The following ITGB3 variants were observed in gnomAD, a reference collection of about 807,000 sequenced individuals.
ITGB3 encodes integrin subunit beta 3.
In ITGB3, 48 loss-of-function variants were observed where a neutral mutation model predicts 85.8. The ratio of observed to expected loss-of-function variants is 0.56; its 90% CI spans 0.44 to 0.71. ITGB3 has a LOEUF of 0.71. Among genes scored for constraint, ITGB3 ranks in the 30% least tolerant of loss-of-function variants. ITGB3 has a pLI of 0.00. For missense variants in ITGB3, 861 were observed against 1,019.1 expected (o/e 0.84, Z 2.11); for synonymous variants, 363 against 395.6 (o/e 0.92, Z 0.98).
At chr17:47,265,449 G>A (rs1367810099) in intron 1 of ITGB3, among the ~76,000 whole-genome samples, 1 of 152,158 alleles carries the variant, frequency 6.6e-6, no homozygotes, top group Non-Finnish European at 1.5e-5. Flanking sequence ...ATCTTCTGGT[G>A]TTGGCTGGCA....
Position 47,253,904 on chromosome 17 carries a change from C to T in ITGB3, c.43C>T (p.Leu15=), listed in dbSNP as rs924366145. ...GCCCCGGCCGCTCTGGGCGACTGTG[C>T]TGGCGCTGGGGGCGCTGGCGGGCGT... ...PRPRPLWATV[L]ALGALAGVGV... is the part of the protein sequence containing the mutation. Residue 15 remains leucine, a synonymous_variant, in exon 1 of 15, where the codon CTG becomes TTG. Coordinates refer to ENST00000559488, the MANE Select transcript of ITGB3 (RefSeq NM_000212.3). 2.1e-5 allele frequency: 29 copies of T among 1,396,582 alleles called. No homozygotes were observed. The East Asian group carries it at 8.9e-4, about 43-fold the overall frequency. 86.5% of individuals were successfully genotyped at this position (1,396,582 alleles called of 1,614,324 possible).
At chr17:47,273,360 A>C (rs1567761574) in intron 1 of ITGB3, among the ~76,000 whole-genome samples, 1 of 152,200 alleles carries the variant, frequency 6.6e-6, no homozygotes, top group Non-Finnish European at 1.5e-5. Flanking sequence ...GATCCCTCAC[A>C]TTCTGCTCCT....
intron 13 of ITGB3, among the ~76,000 whole-genome samples, chr17:47,306,094 C>A (rs1279904213): frequency 6.6e-6 from 1 of 152,172 alleles, no homozygotes; most frequent in Non-Finnish European, 1.5e-5. Flanking sequence ...CTGGCTGTAA[C>A]ATCCACAGGA....
At position 47,310,448 on chromosome 17, in the gene ITGB3, G is replaced by A; in HGVS notation, c.*244G>A. ...AAATTGTGATGTGTCCTGATAAGCT[G>A]AGCTCCTTAGCCTTTGTCCCAGAAT... On this transcript the variant is annotated 3_prime_UTR_variant, in exon 15 of 15. Coordinates refer to ENST00000559488, the MANE Select transcript of ITGB3 (RefSeq NM_000212.3). The A allele has an allele frequency of 1.7e-6, 1 of 591,062 alleles. No homozygotes were observed. Among genetic ancestry groups the A allele is most frequent in the East Asian group, 3.1e-5 (1 of 32,390 alleles). 36.6% of individuals were successfully genotyped at this position (591,062 alleles called of 1,614,324 possible).
Position 47,256,480 on chromosome 17 carries a change from C to CA in ITGB3, c.79+2540_79+2541insA, listed in dbSNP as rs1229449910. ...TCAGACTTCCAGAGTAATACCCCCCCCCCCAACCTCACAAATCAGTTTCTA... is the reference window on the plus strand; with the variant it reads ...TCAGACTTCCAGAGTAATACCCCCCCACCCCAACCTCACAAATCAGTTTCTA... On this transcript the variant is annotated intron_variant, in intron 1 of 14. Coordinates refer to ENST00000559488, the MANE Select transcript of ITGB3 (RefSeq NM_000212.3). Among the ~76,000 whole-genome samples the CA allele has an allele frequency of 4.0e-5, 6 of 151,764 alleles. No homozygotes were observed. In the East Asian group the frequency reaches 9.7e-4, roughly 24 times the overall value.
intron 1 of ITGB3, among the ~76,000 whole-genome samples, 154 bp from the exon 2 acceptor site, chr17:47,274,265 C>T (rs2065055108): frequency 6.6e-6 from 1 of 152,164 alleles, no homozygotes; most frequent in Non-Finnish European, 1.5e-5. Context: ...AACCAATAAC[C>T]TGTATTTGGT....
chr17:47,262,250 G>A (rs1678816017), intron 1 of ITGB3, among the ~76,000 whole-genome samples: 1 of 152,220 alleles, frequency 6.6e-6, no homozygotes, highest in Non-Finnish European at 1.5e-5. Context: ...TAACACATGA[G>A]CTGGGGGAGG....
chr17:47,299,590 A>G lies in ITGB3; in HGVS notation c.1913+60A>G. ...GGAGGTAGGAGAGGATCCCCTGACT[A>G]GAATCCCCAGCTCTCCAGGTGTGTT... On this transcript the variant is annotated intron_variant, in intron 11 of 14. Coordinates refer to ENST00000559488, the MANE Select transcript of ITGB3 (RefSeq NM_000212.3). The surrounding 1 kb of genome is among the most constrained non-coding windows in gnomAD (Gnocchi z 5.1). The G allele has an allele frequency of 2.8e-6, 4 of 1,452,958 alleles. 1 individual carries two copies. The South Asian group carries it at 4.7e-5, about 17-fold the overall frequency. 90.0% of individuals were successfully genotyped at this position (1,452,958 alleles called of 1,614,324 possible).
intron 2 of ITGB3, chr17:47,279,749 G>C (rs1424440983): frequency 2.0e-5 from 3 of 152,274 alleles, no homozygotes; most frequent in Non-Finnish European, 4.4e-5. Flanking sequence ...GGTCCCTGCT[G>C]TCTTCTTCAG....
rs573698401 is a variant in ITGB3, at chr17:47,294,353, G to C, written c.1690+1785G>C. ...CAGGAGAGGAGTACGGCTGGACCAC[G>C]GGGGCACCCCCAGTCCTCCTCCATG... On this transcript the variant is annotated intron_variant, in intron 10 of 14. Transcript: ENST00000559488. Among the ~76,000 whole-genome samples, 5 of 152,378 alleles carry C rather than the reference G, an allele frequency of 3.3e-5. No homozygotes were observed. In the South Asian group the frequency reaches 6.2e-4, roughly 19 times the overall value.
intron 4 of ITGB3, 141 bp from the exon 5 acceptor site, chr17:47,286,119 T>C: frequency 1.1e-6 from 1 of 935,556 alleles, no homozygotes; most frequent in South Asian, 1.3e-5. Flanking sequence ...TTTTGGAGTC[T>C]GAACTGTCTG....
chr17:47,263,810 A>G (rs1038169154), intron 1 of ITGB3, among the ~76,000 whole-genome samples: 1 of 152,190 alleles, frequency 6.6e-6, no homozygotes, highest in Non-Finnish European at 1.5e-5. Flanking sequence ...ATTTTCTTAC[A>G]GCATGAAGGG....
chr17:47,292,557 A>T lies in ITGB3; in HGVS notation c.1679A>T (p.Glu560Val), dbSNP rs2065131447. The T allele has an allele frequency of 6.2e-7, 1 of 1,600,414 alleles. No homozygotes were observed. Among genetic ancestry groups the T allele is most frequent in the Admixed American group, 1.7e-5 (1 of 60,004 alleles). Residue 560 changes from glutamate (E) to valine (V), a missense_variant, in exon 10 of 15, where the codon GAG becomes GTG. Coordinates refer to ENST00000559488, the MANE Select transcript of ITGB3 (RefSeq NM_000212.3). ...DDFSCVRYKG[E>V]MCSGHGQCSC... ...TTCTCCTGTGTCCGCTACAAGGGGG[A>T]GATGTGCTCAGGTGAGGAGAACTGC... is the stretch of plus-strand genomic sequence containing the variant.
chr17:47,300,653 A>C lies in ITGB3; in HGVS notation c.2014+75A>C, dbSNP rs572176540. On this transcript the variant is annotated intron_variant, in intron 12 of 14. Coordinates refer to ENST00000559488, the MANE Select transcript of ITGB3 (RefSeq NM_000212.3). ...CTAATTCAATCCCAGAACCTATCCA[A>C]CTCCCACCTGTAAAATGGAAGCGTG... The C allele has an allele frequency of 4.0e-5, 43 of 1,070,188 alleles. No individual in the cohort carries two copies. In the African/African-American group the frequency reaches 5.9e-4, roughly 15 times the overall value. 66.3% of individuals were successfully genotyped at this position (1,070,188 alleles called of 1,614,324 possible).
chr17:47,308,457 G>C (rs2065198689), intron 14 of ITGB3, among the ~76,000 whole-genome samples: 2 of 152,062 alleles, frequency 1.3e-5, no homozygotes, highest in Admixed American at 6.6e-5. Flanking sequence ...AGATGTTTCT[G>C]TTAGAACAGT....
At chr17:47,289,622 T>A (rs1371023484) in intron 6 of ITGB3, 59 bp from the exon 7 acceptor site, 1 of 1,245,614 alleles carries the variant, frequency 8.0e-7, no homozygotes, top group Non-Finnish European at 1.2e-6. Context: ...AGTTCTAAGC[T>A]TTAGACCCTA....
intron 10 of ITGB3, among the ~76,000 whole-genome samples, chr17:47,293,950 A>G (rs2143117730): frequency 6.6e-6 from 1 of 152,330 alleles, no homozygotes; most frequent in Middle Eastern, 3.4e-3. Context: ...GCAGATACTC[A>G]CTTCGATACT....
At chr17:47,258,970 C>G (rs1045979928) in intron 1 of ITGB3, among the ~76,000 whole-genome samples, 1 of 152,338 alleles carries the variant, frequency 6.6e-6, no homozygotes, top group South Asian at 2.1e-4. Flanking sequence ...GAGGCCACTC[C>G]GTCATCCTCC....
rs146012780 is a variant in ITGB3 at position 47,290,760 on chromosome 17, G to T, written c.1126-194G>T. Among the ~76,000 whole-genome samples the T allele has an allele frequency of 3.2e-4, 49 of 152,280 alleles. 1 individual carries two copies. The East Asian group carries it at 9.3e-3, about 29-fold the overall frequency. ...CTAGACGCAAGTGGAGATGGAAAGAGGGAGCAGGTTCCTGCGCAGGAAACA... is the reference window on the plus strand; with the variant it reads ...CTAGACGCAAGTGGAGATGGAAAGATGGAGCAGGTTCCTGCGCAGGAAACA... On this transcript the variant is annotated intron_variant, in intron 8 of 14. Transcript: ENST00000559488.
Sources: allele counts gnomAD v4.1 joint callset (sites outside exome capture counted in the v4.1 genomes callset), GRCh38; gene constraint gnomAD v4.1.1; non-coding constraint Gnocchi (gnomAD v3.1); transcripts MANE v1.5; gene names NCBI Gene and HGNC (gene_info 2026-07-23, HGNC 2026-07-21).